Variants in AVPI1 observed in about 807,000 individuals in gnomAD.
The protein encoded by AVPI1 is arginine vasopressin-induced protein 1.
A neutral mutation model predicts 11.9 loss-of-function variants in AVPI1; 9 were observed. That is an observed-to-expected ratio of 0.76 (90% CI 0.46 to 1.32). The LOEUF is 1.32. Ranked by LOEUF, AVPI1 falls within the 40% of genes most tolerant of loss-of-function variation. The pLI, the probability that AVPI1 is intolerant of heterozygous loss-of-function variation, is 0.00. For missense variants in AVPI1, 207 were observed against 195.8 expected (o/e 1.06, Z -0.34); for synonymous variants, 68 against 78.1 (o/e 0.87, Z 0.68).
chr10:97,684,511 T>TC (rs768428910), intron 1 of AVPI1, among the ~76,000 whole-genome samples: 131 of 149,384 alleles, frequency 8.8e-4, no homozygotes, highest in Non-Finnish European at 1.4e-3. Context: ...TTTTTTTTTT[T>TC]TTTTGAGGCG....
chr10:97,679,077 G>T (rs2041687838), intron 2 of AVPI1, among the ~76,000 whole-genome samples: 1 of 143,592 alleles, frequency 7.0e-6, no homozygotes, highest in African/African-American at 2.5e-5. Flanking sequence ...ATGCTACTAG[G>T]ACTCAGGCAT....
intron 2 of AVPI1, among the ~76,000 whole-genome samples, chr10:97,678,944 T>TTTTCAGAGAGAG: frequency 2.0e-5 from 1 of 50,330 alleles, no homozygotes; most frequent in Non-Finnish European, 4.0e-5. Flanking sequence ...TGTGTGTGTG[T>TTTTCAGAGAGAG]GTGTGTGTGT....
At position 97,684,535 on chromosome 10, in the gene AVPI1, T is replaced by C. The variant is rs572253925; in HGVS notation, c.-11+2231A>G. Among the ~76,000 whole-genome samples the C allele has an allele frequency of 1.1e-3, 154 of 146,596 alleles. 1 individual carries two copies. Among genetic ancestry groups the C allele is most frequent in the Non-Finnish European group, 1.7e-3 (115 of 67,040 alleles). ...TTTTTTGAGGCGGAGTCTCACTCTG[T>C]CACCCACGCTGGAGTGCAGTGGCGC... On this transcript the variant is annotated intron_variant, in intron 1 of 2. Coordinates refer to ENST00000370626, the MANE Select transcript of AVPI1 (RefSeq NM_021732.3).
In AVPI1 at chr10:97,679,791, T is replaced by A. The variant is rs750953235; in HGVS notation, c.115A>T (p.Ile39Phe). ...CCGCTGCGTTGAAACAGGGCTTGGATCTGCAGCAGCTCGGCGTCCTGGAAG... is the reference window on the plus strand; with the variant it reads ...CCGCTGCGTTGAAACAGGGCTTGGAACTGCAGCAGCTCGGCGTCCTGGAAG... ...NIFQDAELLQ[I>F]QALFQRSGDQ... The change falls in exon 2 of 3, where the codon ATC becomes TTC. Residue 39 changes from isoleucine (I) to phenylalanine (F), a missense_variant. By Grantham distance (21) the Ile-to-Phe change is conservative (BLOSUM62 0). Coordinates refer to ENST00000370626, the MANE Select transcript of AVPI1 (RefSeq NM_021732.3). 1.3e-5 allele frequency: 21 copies of A among 1,613,742 alleles called. No individual in the cohort carries two copies. In the Admixed American group the frequency reaches 3.5e-4, roughly 27 times the overall value.
At position 97,678,139 on chromosome 10, in the gene AVPI1, C is replaced by T. The variant is rs186329018; in HGVS notation, c.288-114G>A. ...CATATGATTTGGAGCAAAATGAGAG[C>T]GGGGCTCTGCTCTGGTCTTTCCCCC... On this transcript the variant is annotated intron_variant, in intron 2 of 2. Transcript: ENST00000370626. 5.6e-5 allele frequency: 66 copies of T among 1,177,488 alleles called. 1 individual carries two copies. The highest frequency in any genetic ancestry group is 4.4e-4 in the South Asian group (30 of 68,310). The allele number at this position is 1,177,488 out of a possible 1,614,324, so 72.9% of individuals were successfully genotyped here. A position where few individuals can be genotyped will look rare whatever the true frequency, so the allele number is the denominator to read the frequency against.
At chr10:97,684,854 G>A (rs911304125) in intron 1 of AVPI1, among the ~76,000 whole-genome samples, 2 of 152,152 alleles carry the variant, frequency 1.3e-5, no homozygotes, top group African/African-American at 4.8e-5. Flanking sequence ...AGCAGAGTGA[G>A]GCTGGGAATA....
intron 1 of AVPI1, among the ~76,000 whole-genome samples, chr10:97,686,005 A>C (rs138734712): frequency 6.6e-6 from 1 of 152,320 alleles, no homozygotes; most frequent in Non-Finnish European, 1.5e-5. Context: ...GTATAAGGCC[A>C]GGCCTGGTGG....
intron 1 of AVPI1, among the ~76,000 whole-genome samples, chr10:97,684,914 C>G (rs1362596929): frequency 6.6e-6 from 1 of 152,156 alleles, no homozygotes; most frequent in African/African-American, 2.4e-5. Flanking sequence ...TTGGGAAAAC[C>G]GATGAAATGT....
At chr10:97,684,393 C>T (rs750372419) in intron 1 of AVPI1, among the ~76,000 whole-genome samples, 3 of 152,048 alleles carry the variant, frequency 2.0e-5, no homozygotes, top group Non-Finnish European at 4.4e-5. Flanking sequence ...CACAAACATA[C>T]CAAGAAACCC....
chr10:97,680,144 G>C lies in AVPI1; in HGVS notation c.-10-229C>G, dbSNP rs2151932. 2.6e-3 allele frequency among the ~76,000 whole-genome samples: 399 copies of C among 152,062 alleles called. 2 individuals are homozygous for C. The highest frequency in any genetic ancestry group is 9.3e-3 in the African/African-American group (384 of 41,470). Reference sequence around the variant, plus strand: ...AATTATTGTTTATCCTCATTTTACCGATGAAGAAGTGCAACTCAGAGGGGT... The same window carrying C: ...AATTATTGTTTATCCTCATTTTACCCATGAAGAAGTGCAACTCAGAGGGGT... On this transcript the variant is annotated intron_variant, in intron 1 of 2. Transcript: ENST00000370626.
intron 1 of AVPI1, among the ~76,000 whole-genome samples, chr10:97,682,187 C>T (rs185856806): frequency 4.6e-4 from 70 of 152,320 alleles, no homozygotes; most frequent in African/African-American, 1.6e-3. Context: ...GTACCTGGGT[C>T]AGGGGTACAG....
chr10:97,681,433 G>A (rs149575114), intron 1 of AVPI1, among the ~76,000 whole-genome samples: 2 of 151,572 alleles, frequency 1.3e-5, no homozygotes, highest in African/African-American at 4.8e-5. Flanking sequence ...AAATACAAAA[G>A]TAGCCGGGCG....
In AVPI1 at chr10:97,677,824, T is replaced by A. The variant is rs997638187; in HGVS notation, c.*45A>T. 1 of 1,606,662 alleles carries A rather than the reference T, an allele frequency of 6.2e-7. No homozygotes were observed. Among genetic ancestry groups the A allele is most frequent in the African/African-American group, 1.3e-5 (1 of 74,812 alleles). On this transcript the variant is annotated 3_prime_UTR_variant, in exon 3 of 3. Coordinates refer to ENST00000370626, the MANE Select transcript of AVPI1 (RefSeq NM_021732.3). Reference sequence around the variant, plus strand: ...TCTCTTCCTTCACCTCCCCAGGCCTTTTGGCAAGAGGGAAGACACTGCCAT... The same window carrying A: ...TCTCTTCCTTCACCTCCCCAGGCCTATTGGCAAGAGGGAAGACACTGCCAT...
intron 1 of AVPI1, among the ~76,000 whole-genome samples, chr10:97,681,809 C>G (rs1289057026): frequency 1.4e-5 from 2 of 144,964 alleles, no homozygotes; most frequent in Admixed American, 1.4e-4. Flanking sequence ...ACCCGGGAAG[C>G]GGAGCTTGCA....
chr10:97,678,910 TGTGTGTGTGTGTGTGTGTGTGTGTGTGTG>T (rs2041682867), intron 2 of AVPI1, among the ~76,000 whole-genome samples: 3 of 27,122 alleles, frequency 1.1e-4, no homozygotes, highest in East Asian at 1.6e-3. Flanking sequence ...TGTGTGTGTG[TGTGTGTGTGTGTGTGTGTGTGTGTGTGTG>T]TGTGTGTGTG....
At chr10:97,684,925 C>A (rs935542174) in intron 1 of AVPI1, among the ~76,000 whole-genome samples, 6 of 152,146 alleles carry the variant, frequency 3.9e-5, no homozygotes, top group Admixed American at 3.3e-4. Context: ...GATGAAATGT[C>A]GAATCAGAAC....
rs201631649 is a variant in AVPI1, at chr10:97,679,841, C to A, written c.65G>T (p.Gly22Val). The A allele has an allele frequency of 8.1e-6, 13 of 1,607,474 alleles. No individual in the cohort carries two copies. The highest frequency in any genetic ancestry group is 1.3e-5 in the African/African-American group (1 of 74,844). ...PPWQAPIEAR[G>V]RKQASANIFQ... The stretch of plus-strand genomic sequence containing the variant: ...GATGTTGGCCGAGGCCTGCTTGCGG[C>A]CCCGGGCCTCAATCGGGGCCTGCCA... The change falls in exon 2 of 3, where the codon GGC becomes GTC. Residue 22 changes from glycine (G) to valine (V), a missense_variant. Gly to Val is a moderately radical substitution (Grantham distance 109). Transcript: ENST00000370626.
chr10:97,679,070 C>CT lies in AVPI1; in HGVS notation c.287+548dup, dbSNP rs1223442366. 1.4e-5 allele frequency among the ~76,000 whole-genome samples: 2 copies of CT among 142,772 alleles called. 1 individual carries two copies. Among genetic ancestry groups the CT allele is most frequent in the East Asian group, 4.4e-4 (2 of 4,534 alleles). The allele number at this position is 142,772 out of a possible 152,430, so 93.7% of individuals were successfully genotyped here. A position where few individuals can be genotyped will look rare whatever the true frequency, so the allele number is the denominator to read the frequency against. ...AGAATAACGGCAGAATGAGGTGATG[C>CT]TACTAGGACTCAGGCATCTCTTTCC... is the stretch of plus-strand genomic sequence containing the variant. On this transcript the variant is annotated intron_variant, in intron 2 of 2. Transcript: ENST00000370626.
Position 97,678,960 on chromosome 10 carries a change from T to A in AVPI1, c.287+659A>T, listed in dbSNP as rs1564779954. 1.0e-3 allele frequency among the ~76,000 whole-genome samples: 49 copies of A among 47,668 alleles called. 4 individuals are homozygous for A. The highest frequency in any genetic ancestry group is 0.016 in the Middle Eastern group (1 of 62). The allele number at this position is 47,668 out of a possible 152,430, so 31.3% of individuals were successfully genotyped here. A position where few individuals can be genotyped will look rare whatever the true frequency, so the allele number is the denominator to read the frequency against. ...GTGTGTGTGTGTGTGTGTGTGTGTG[T>A]GTGTGTGTGTGTGTGTGTGTGTGTG... On this transcript the variant is annotated intron_variant, in intron 2 of 2. Coordinates refer to ENST00000370626, the MANE Select transcript of AVPI1 (RefSeq NM_021732.3).
Sources: gnomAD v4.1 joint callset for allele counts (sites outside exome capture counted in the v4.1 genomes callset) on GRCh38, gnomAD v4.1.1 for gene constraint, MANE v1.5 for transcripts, NCBI Gene and HGNC (gene_info 2026-07-23, HGNC 2026-07-21) for gene names.